Variants in KIAA0586 observed in about 807,000 individuals in gnomAD.
KIAA0586 encodes the protein protein TALPID3.
In KIAA0586, 144 loss-of-function variants were observed where a neutral mutation model predicts 169.8. The ratio of observed to expected loss-of-function variants is 0.85; its 90% CI spans 0.74 to 0.97. The LOEUF (loss-of-function observed/expected upper bound fraction) is 0.97, where lower values mean the gene tolerates loss of function less well. KIAA0586 is among the 50% of genes least tolerant of loss of function. KIAA0586 has a pLI of 0.00. For synonymous variants in KIAA0586, 625 were observed against 612.4 expected (o/e 1.02, Z -0.30); for missense variants, 1,854 against 1,823.0 (o/e 1.02, Z -0.31).
intron 25 of KIAA0586, among the ~76,000 whole-genome samples, chr14:58,490,576 C>T (rs1488468844): frequency 1.3e-5 from 2 of 152,038 alleles, no homozygotes; most frequent in East Asian, 1.9e-4. Flanking sequence ...AACCAACTCT[C>T]TTGTAATACA....
intron 10 of KIAA0586, among the ~76,000 whole-genome samples, chr14:58,457,205 G>A (rs769201309): frequency 7.2e-5 from 11 of 152,094 alleles, no homozygotes; most frequent in South Asian, 2.1e-4. Context: ...ATTATTGGTC[G>A]CTGGACTGCT....
At position 58,473,800 on chromosome 14, in the gene KIAA0586, G is replaced by A. The variant is rs573832408; in HGVS notation, c.2635-807G>A. ...GGGCGCCTGTAATGCCAGCATCTCG[G>A]GAGGCTGAGACAGGAGAATTGCTTG... On this transcript the variant is annotated intron_variant, in intron 18 of 30. Transcript: ENST00000652326. Among the ~76,000 whole-genome samples the A allele has an allele frequency of 4.6e-5, 7 of 152,222 alleles. No individual in the cohort carries two copies. In the South Asian group the frequency reaches 1.5e-3, roughly 32 times the overall value.
chr14:58,556,076 TTCAA>T (rs936088581), downstream of KIAA0586, among the ~76,000 whole-genome samples: 5 of 152,250 alleles, frequency 3.3e-5, no homozygotes, highest in African/African-American at 7.2e-5. Flanking sequence ...CTTTACCATT[TTCAA>T]TCAGAGTAAC....
intron 18 of KIAA0586, among the ~76,000 whole-genome samples, chr14:58,473,702 T>G: frequency 6.6e-6 from 1 of 152,048 alleles, no homozygotes; most frequent in East Asian, 1.9e-4. Flanking sequence ...GGTCAGGAGT[T>G]CAGGACCAGC....
intron 30 of KIAA0586, among the ~76,000 whole-genome samples, chr14:58,546,699 C>A (rs1445115004): frequency 2.0e-5 from 3 of 152,112 alleles, no homozygotes; most frequent in Non-Finnish European, 4.4e-5. Context: ...TAGGCAGATA[C>A]ATACACTTAC....
At chr14:58,459,029 G>A (rs1363287200) in intron 12 of KIAA0586, among the ~76,000 whole-genome samples, 1 of 152,062 alleles carries the variant, frequency 6.6e-6, no homozygotes, top group African/African-American at 2.4e-5. Flanking sequence ...GGAAAAGTCT[G>A]GGAGTTATCT....
chr14:58,555,947 T>G (rs963113870), downstream of KIAA0586, among the ~76,000 whole-genome samples: 1 of 152,254 alleles, frequency 6.6e-6, no homozygotes, highest in Non-Finnish European at 1.5e-5. Flanking sequence ...GCAAAGGCAT[T>G]GTCATTGGTT....
intron 29 of KIAA0586, among the ~76,000 whole-genome samples, chr14:58,536,156 G>A (rs2046276102): frequency 6.6e-6 from 1 of 152,030 alleles, no homozygotes. Flanking sequence ...GGGGGTACAT[G>A]TGCATGTTTA....
chr14:58,459,397 CT>C (rs2040144041), intron 12 of KIAA0586, among the ~76,000 whole-genome samples: 1 of 152,110 alleles, frequency 6.6e-6, no homozygotes, highest in African/African-American at 2.4e-5. Flanking sequence ...GTATCTTACT[CT>C]TTTGCAATGA....
upstream of KIAA0586, chr14:58,427,491 A>T: frequency 8.6e-7 from 1 of 1,156,194 alleles, no homozygotes; most frequent in South Asian, 1.4e-5. Context: ...CAAGTCTTGG[A>T]TGAGACTGTA....
chr14:58,431,355 C>G (rs1002433678), intron 3 of KIAA0586, among the ~76,000 whole-genome samples: 1 of 152,092 alleles, frequency 6.6e-6, no homozygotes, highest in Non-Finnish European at 1.5e-5. Context: ...CTCCAGCTCC[C>G]GGGTTCAAGC....
At chr14:58,428,770 T>C (rs934215143) in intron 1 of KIAA0586, among the ~76,000 whole-genome samples, 21 of 151,888 alleles carry the variant, frequency 1.4e-4, no homozygotes, top group African/African-American at 5.1e-4. Flanking sequence ...CCACGTAGTG[T>C]TTTTTATAGT....
chr14:58,446,979 A>T (rs541712954), intron 6 of KIAA0586, among the ~76,000 whole-genome samples: 3 of 152,328 alleles, frequency 2.0e-5, no homozygotes, highest in East Asian at 3.9e-4. Flanking sequence ...AGTGGCTCCT[A>T]CTTAGTCCTA....
intron 10 of KIAA0586, 126 bp from the exon 11 acceptor site, chr14:58,457,633 G>A: frequency 3.3e-6 from 2 of 608,750 alleles, no homozygotes; most frequent in Non-Finnish European, 5.7e-6. Context: ...TAAGTCTTCA[G>A]TTTGACAAAT....
chr14:58,449,257 C>G lies in KIAA0586; in HGVS notation c.961+764C>G, dbSNP rs369445691. 2.6e-5 allele frequency among the ~76,000 whole-genome samples: 4 copies of G among 152,214 alleles called. 1 individual carries two copies. On this transcript the variant is annotated intron_variant, in intron 7 of 30. Transcript: ENST00000652326. Reference sequence around the variant, plus strand: ...TACATTTTGCAACAAATGAGTGGTCCTTACAAAACTGTTGTGCCCAGCACT... The same window carrying G: ...TACATTTTGCAACAAATGAGTGGTCGTTACAAAACTGTTGTGCCCAGCACT...
At position 58,520,627 on chromosome 14, in the gene KIAA0586, A is replaced by G. The variant is rs1208288306; in HGVS notation, c.4429+8000A>G. On this transcript the variant is annotated intron_variant, in intron 29 of 30. Transcript: ENST00000652326. ...GCCTCTGACCTCCCGGTCTCAAGCA[A>G]TTTTCCCACCTCAGCCTCCTGAGTA... 4.0e-5 allele frequency among the ~76,000 whole-genome samples: 6 copies of G among 151,772 alleles called. No individual in the cohort carries two copies. The East Asian group carries it at 7.7e-4, about 20-fold the overall frequency.
In KIAA0586 at chr14:58,551,027, A is replaced by G. The variant is rs1181683950; in HGVS notation, c.*3095A>G. 1 of 151,992 alleles carries G rather than the reference A, an allele frequency of 6.6e-6. No individual in the cohort carries two copies. Among genetic ancestry groups the G allele is most frequent in the East Asian group, 1.9e-4 (1 of 5,156 alleles). The allele number at this position is 151,992 out of a possible 1,614,324, so 9.4% of individuals were successfully genotyped here. A position where few individuals can be genotyped will look rare whatever the true frequency, so the allele number is the denominator to read the frequency against. On this transcript the variant is annotated 3_prime_UTR_variant, in exon 31 of 31. Coordinates refer to ENST00000652326, the MANE Select transcript of KIAA0586 (RefSeq NM_001329943.3). The stretch of plus-strand genomic sequence containing the variant: ...AACATGGTGAAACCCCATCTCTACT[A>G]AAAATACAAAAATTAGCCAGGCATG...
rs573199744 is a variant in KIAA0586, at chr14:58,427,934, A to C, written c.-331A>C. On this transcript the variant is annotated 5_prime_UTR_variant, in exon 1 of 31. Transcript: ENST00000652326. ...CTTCTCAACAAATTTTAAGCCCGCC[A>C]CTACATGTGTTTGGTTTTGCCCTAC... 22 of 1,378,134 alleles carry C rather than the reference A, an allele frequency of 1.6e-5. No homozygotes were observed. The highest frequency in any genetic ancestry group is 2.1e-5 in the Non-Finnish European group (22 of 1,054,642). 85.4% of individuals were successfully genotyped at this position (1,378,134 alleles called of 1,614,324 possible). A position where few individuals can be genotyped will look rare whatever the true frequency, so the allele number is the denominator to read the frequency against.
At chr14:58,544,682 C>A (rs1024473352) in intron 30 of KIAA0586, among the ~76,000 whole-genome samples, 1 of 152,094 alleles carries the variant, frequency 6.6e-6, no homozygotes, top group African/African-American at 2.4e-5. Flanking sequence ...GAAAAGTGTT[C>A]ATGTCCTTTG....
Sources: allele counts gnomAD v4.1 joint callset (sites outside exome capture counted in the v4.1 genomes callset), GRCh38; gene constraint gnomAD v4.1.1; transcripts MANE v1.5; gene names NCBI Gene and HGNC (gene_info 2026-07-23, HGNC 2026-07-21).